Variants in HACL1 observed in about 807,000 individuals in gnomAD.
HACL1 encodes the protein 1600020H07Rik.
A neutral mutation model predicts 74.2 loss-of-function variants in HACL1; 64 were observed. That is an observed-to-expected ratio of 0.86 (90% CI 0.70 to 1.06). The LOEUF (loss-of-function observed/expected upper bound fraction) is 1.06. HACL1 is among the 50% of genes least tolerant of loss of function. The pLI is 0.00. For missense variants in HACL1, 728 were observed against 719.7 expected, an observed-to-expected ratio of 1.01 and a Z score of -0.13; for synonymous variants, 230 against 238.8, an observed-to-expected ratio of 0.96 and a Z score of 0.34.
chr3:15,574,434 C>T (rs567937890), intron 10 of HACL1, among the ~76,000 whole-genome samples: 1 of 152,176 alleles, frequency 6.6e-6, no homozygotes, highest in South Asian at 2.1e-4. Context: ...AAGGTTTGCA[C>T]ACCACTATGC....
At position 15,585,262 on chromosome 3, in the gene HACL1, A is replaced by T; in HGVS notation, c.540T>A (p.Asn180Lys). The T allele has an allele frequency of 6.5e-7, 1 of 1,549,710 alleles. No individual in the cohort carries two copies. Among genetic ancestry groups the T allele is most frequent in the South Asian group, 1.1e-5 (1 of 89,686 alleles). Residue 180 changes from asparagine to lysine, a missense_variant, in exon 7 of 17, where the codon AAT becomes AAA. Coordinates refer to ENST00000321169, the MANE Select transcript of HACL1 (RefSeq NM_012260.4). ...CTATTACTCACTTTATAGAATTCAC[A>T]TTCACCTGAAGGTTCACAAAATCTG... is the stretch of plus-strand genomic sequence containing the variant. The part of the protein sequence containing the change: ...IPADFVNLQV[N>K]VNSIKYMERC...
At position 15,579,823 on chromosome 3, in the gene HACL1, C is replaced by T. The variant is rs187234387; in HGVS notation, c.803+87G>A. 1.7e-5 allele frequency: 16 copies of T among 919,064 alleles called. No individual in the cohort carries two copies. The Admixed American group carries it at 3.8e-4, about 22-fold the overall frequency. The allele number at this position is 919,064 out of a possible 1,614,324, so 56.9% of individuals were successfully genotyped here. On this transcript the variant is annotated intron_variant, in intron 9 of 16. Transcript: ENST00000321169. Reference sequence around the variant, plus strand: ...TTAAAATTCCATGATTCTTTCAGAACTCCATCCTAGATGAAGATCACAAAA... The same window carrying T: ...TTAAAATTCCATGATTCTTTCAGAATTCCATCCTAGATGAAGATCACAAAA...
intron 9 of HACL1, among the ~76,000 whole-genome samples, chr3:15,577,277 G>C (rs533825522): frequency 3.3e-5 from 5 of 152,138 alleles, no homozygotes; most frequent in African/African-American, 1.2e-4. Flanking sequence ...TTGAGCCTAG[G>C]GGTCTGAGTC....
chr3:15,567,061 C>A (rs889638215), intron 14 of HACL1, among the ~76,000 whole-genome samples: 3 of 152,000 alleles, frequency 2.0e-5, no homozygotes, highest in African/African-American at 7.3e-5. Flanking sequence ...CTCAGGTGAT[C>A]TGCCCACCTC....
intron 13 of HACL1, 74 bp downstream of exon 13, chr3:15,568,358 A>T: frequency 1.1e-6 from 1 of 894,818 alleles, no homozygotes; most frequent in East Asian, 2.4e-5. Context: ...ACGTCTTCTT[A>T]ATCTGCACTA....
Position 15,585,304 on chromosome 3 carries a change from G to C in HACL1, c.498C>G (p.Cys166Trp). The C allele has an allele frequency of 6.2e-7, 1 of 1,605,466 alleles. No individual in the cohort carries two copies. The highest frequency in any genetic ancestry group is 1.7e-5 in the Admixed American group (1 of 60,006). ...CAAAATCTGCTGGTATGTCAACATA[G>C]CAAGCACCTGGACGACCATAGATAC... Reference protein sequence around the residue: ...RSSIYGRPGACYVDIPADFVN... With the variant: ...RSSIYGRPGAWYVDIPADFVN... Residue 166 changes from cysteine (C) to tryptophan (W), a missense_variant, in exon 7 of 17, where the codon TGC (cysteine) becomes TGG (tryptophan). By Grantham distance (215) the Cys-to-Trp change is radical. Transcript: ENST00000321169.
At chr3:15,599,778 T>C (rs921468950) in intron 2 of HACL1, among the ~76,000 whole-genome samples, 1 of 152,222 alleles carries the variant, frequency 6.6e-6, no homozygotes, top group Non-Finnish European at 1.5e-5. Context: ...AGATCAAGAC[T>C]AAACCTCACT....
chr3:15,590,141 C>G (rs552755347), intron 4 of HACL1, among the ~76,000 whole-genome samples: 1 of 152,182 alleles, frequency 6.6e-6, no homozygotes, highest in East Asian at 1.9e-4. Flanking sequence ...TAAATGTTTT[C>G]CTTCCCTTCT....
Position 15,568,597 on chromosome 3 carries a change from G to C in HACL1, c.1096-11C>G, listed in dbSNP as rs1275015910. The C allele has an allele frequency of 7.1e-7, 1 of 1,414,606 alleles. No individual in the cohort carries two copies. The highest frequency in any genetic ancestry group is 9.8e-7 in the Non-Finnish European group (1 of 1,016,402). The allele number at this position is 1,414,606 out of a possible 1,614,324, so 87.6% of individuals were successfully genotyped here. On this transcript the variant is annotated splice_polypyrimidine_tract_variant and intron_variant, in intron 12 of 16. Coordinates refer to ENST00000321169, the MANE Select transcript of HACL1 (RefSeq NM_012260.4). ...TTTAGAAGCTAGTTCCTGAAAAGTA[G>C]ATGGGAATATAATCAAATTAAATTG...
chr3:15,560,939 T>C (rs375138411), intron 16 of HACL1, 42 bp from the exon 17 acceptor site: 14 of 1,411,084 alleles, frequency 9.9e-6, no homozygotes, highest in Non-Finnish European at 1.1e-5. Context: ...AAAGAAATGA[T>C]TGTCTCAAAT....
At chr3:15,583,201 T>C (rs1225092882) in intron 7 of HACL1, among the ~76,000 whole-genome samples, 1 of 152,216 alleles carries the variant, frequency 6.6e-6, no homozygotes, top group African/African-American at 2.4e-5. Context: ...TTAAAGTAAA[T>C]AGGCATCAAG....
chr3:15,591,858 C>T (rs200967327), intron 3 of HACL1, among the ~76,000 whole-genome samples, 178 bp from the exon 4 acceptor site: 7 of 150,100 alleles, frequency 4.7e-5, no homozygotes, highest in South Asian at 2.1e-4. Context: ...ATATATATAT[C>T]GCGATATATA....
intron 2 of HACL1, among the ~76,000 whole-genome samples, chr3:15,597,283 C>T (rs1199749921): frequency 6.6e-6 from 1 of 152,090 alleles, no homozygotes; most frequent in African/African-American, 2.4e-5. Context: ...TATTGAGTTC[C>T]ACTTTACTTC....
In HACL1 at chr3:15,564,665, T is replaced by G. The variant is rs769241358; in HGVS notation, c.1410-7A>C. The G allele has an allele frequency of 8.4e-7, 1 of 1,184,276 alleles. No individual in the cohort carries two copies. The highest frequency in any genetic ancestry group is 1.2e-6 in the Non-Finnish European group (1 of 808,512). The allele number at this position is 1,184,276 out of a possible 1,614,324, so 73.4% of individuals were successfully genotyped here. ...TATGATTGGCAAGTTGTACCTAAAG[T>G]GAGAGTAAAATATGAAGGAAATCAT... is the stretch of plus-strand genomic sequence containing the variant. On this transcript the variant is annotated splice_region_variant and splice_polypyrimidine_tract_variant and intron_variant, in intron 14 of 16. Transcript: ENST00000321169.
chr3:15,565,932 T>C (rs1312925999), intron 14 of HACL1, among the ~76,000 whole-genome samples: 2 of 152,240 alleles, frequency 1.3e-5, no homozygotes, highest in African/African-American at 4.8e-5. Flanking sequence ...ATTATTTATA[T>C]AGCATTCATA....
rs757795371 is a variant in HACL1, at chr3:15,591,693, CAG to C, written c.228-15_228-14del. ...GCAGACTCCTGGCCTAAAAGCAAAA[CAG>C]AATTTATTAAAATCAGGTCAAATGT... On this transcript the variant is annotated splice_polypyrimidine_tract_variant and intron_variant, in intron 3 of 16. Transcript: ENST00000321169. The C allele has an allele frequency of 2.3e-5, 36 of 1,580,728 alleles. No homozygotes were observed. The highest frequency in any genetic ancestry group is 4.5e-5 in the East Asian group (2 of 44,430).
intron 3 of HACL1, among the ~76,000 whole-genome samples, chr3:15,595,489 T>A (rs953424140): frequency 6.6e-6 from 1 of 152,140 alleles, no homozygotes; most frequent in African/African-American, 2.4e-5. Context: ...TGATACACAT[T>A]CCTGTGAGAG....
intron 9 of HACL1, among the ~76,000 whole-genome samples, chr3:15,578,097 C>CAAAAAAA (rs397876768): frequency 5.0e-5 from 3 of 60,242 alleles, no homozygotes; most frequent in African/African-American, 1.0e-4. Context: ...GACTCCGTCT[C>CAAAAAAA]AAAAAAAAAA....
At chr3:15,596,209 C>T in intron 3 of HACL1, 175 bp downstream of exon 3, 1 of 571,812 alleles carries the variant, frequency 1.7e-6, no homozygotes, top group Non-Finnish European at 3.2e-6. Flanking sequence ...TGAAACACTT[C>T]TGGTATCATT....
Sources: gnomAD v4.1 joint callset for allele counts (sites outside exome capture counted in the v4.1 genomes callset) on GRCh38, gnomAD v4.1.1 for gene constraint, MANE v1.5 for transcripts, NCBI Gene and HGNC (gene_info 2026-07-23, HGNC 2026-07-21) for gene names.